PDE8B: variants seen among roughly 807,000 people sequenced by gnomAD.
PDE8B encodes phosphodiesterase 8B.
PDE8B carries 26 observed loss-of-function variants against 101.3 expected under a neutral mutation model. That is an observed-to-expected ratio of 0.26 (90% CI 0.19 to 0.36). The LOEUF (loss-of-function observed/expected upper bound fraction) is 0.36. PDE8B is among the 10% of genes least tolerant of loss of function. The probability of loss-of-function intolerance (pLI) is 1.00; values close to 1 mark genes in which losing one functional copy is unlikely to be tolerated. For missense variants in PDE8B, 810 were observed against 1,163.1 expected, an observed-to-expected ratio of 0.70 and a Z score of 4.42; for synonymous variants, 424 against 429.3, an observed-to-expected ratio of 0.99 and a Z score of 0.15.
intron 1 of PDE8B, among the ~76,000 whole-genome samples, chr5:77,217,472 T>C (rs535786891): frequency 3.3e-4 from 51 of 152,334 alleles, no homozygotes; most frequent in African/African-American, 1.2e-3. Flanking sequence ...GAATTTATTT[T>C]TAAAGATAGG....
chr5:77,224,519 C>T (rs1461654188), intron 1 of PDE8B, among the ~76,000 whole-genome samples: 1 of 152,182 alleles, frequency 6.6e-6, no homozygotes, highest in Non-Finnish European at 1.5e-5. Context: ...AAAACATCCT[C>T]TTATTTCAGC....
chr5:77,376,427 A>G (rs1263221568), intron 10 of PDE8B, among the ~76,000 whole-genome samples: 1 of 152,230 alleles, frequency 6.6e-6, no homozygotes, highest in African/African-American at 2.4e-5. Flanking sequence ...TGCCTAGCAC[A>G]TAGTATATGC....
chr5:77,242,711 G>T (rs982604122), intron 1 of PDE8B, among the ~76,000 whole-genome samples: 1 of 151,786 alleles, frequency 6.6e-6, no homozygotes, highest in African/African-American at 2.4e-5. Flanking sequence ...TCCCTCTGTC[G>T]CCCAGGCTGG....
chr5:77,109,524 A>T, the PDE8B span, among the ~76,000 whole-genome samples: 3 of 152,240 alleles, frequency 2.0e-5, no homozygotes, highest in Non-Finnish European at 2.9e-5. Flanking sequence ...GTTAAATTGC[A>T]GAGGGCAGAC....
intron 5 of PDE8B, among the ~76,000 whole-genome samples, chr5:77,333,489 G>C (rs1040984430): frequency 6.6e-6 from 1 of 152,156 alleles, no homozygotes; most frequent in African/African-American, 2.4e-5. Context: ...TGGAGTGTGA[G>C]GACATAGATT....
chr5:77,187,680 T>C, the PDE8B span, among the ~76,000 whole-genome samples: 1 of 152,202 alleles, frequency 6.6e-6, no homozygotes, highest in Non-Finnish European at 1.5e-5. Context: ...TCTCAAGCAG[T>C]CTACTTTCTC....
chr5:77,336,873 A>G (rs564700995), intron 5 of PDE8B, among the ~76,000 whole-genome samples: 1 of 152,346 alleles, frequency 6.6e-6, no homozygotes, highest in South Asian at 2.1e-4. Context: ...TGTGGTGCAC[A>G]CTGAACATGC....
intron 1 of PDE8B, among the ~76,000 whole-genome samples, chr5:77,224,973 TG>T (rs34156142): frequency 4.0e-5 from 6 of 151,864 alleles, no homozygotes; most frequent in African/African-American, 7.3e-5. Flanking sequence ...CTTTTTTTTT[TG>T]GGGAAGACTA....
the PDE8B span, among the ~76,000 whole-genome samples, chr5:77,142,575 T>C: frequency 2.0e-5 from 3 of 152,164 alleles, no homozygotes; most frequent in Non-Finnish European, 4.4e-5. Flanking sequence ...CAGTAATTTC[T>C]CAAGATAAAA....
intron 2 of PDE8B, among the ~76,000 whole-genome samples, chr5:77,313,305 A>G (rs1237638326): frequency 6.6e-6 from 1 of 152,218 alleles, no homozygotes; most frequent in East Asian, 1.9e-4. Context: ...GGAAAAAAAA[A>G]AAGGAAGAGA....
chr5:77,221,537 G>A (rs961863222), intron 1 of PDE8B, among the ~76,000 whole-genome samples: 10 of 152,178 alleles, frequency 6.6e-5, no homozygotes, highest in Non-Finnish European at 1.3e-4. Flanking sequence ...ATGTTTGGTT[G>A]TCTCTTTTCT....
chr5:77,153,565 C>G, the PDE8B span, among the ~76,000 whole-genome samples: 1 of 147,952 alleles, frequency 6.8e-6, no homozygotes, highest in African/African-American at 2.5e-5. Context: ...CTGACTCCAG[C>G]TTTACTCTTT....
chr5:77,391,647 C>T (rs148219044), intron 10 of PDE8B, among the ~76,000 whole-genome samples: 1 of 152,328 alleles, frequency 6.6e-6, no homozygotes, highest in East Asian at 1.9e-4. Context: ...ACCTGCTGGC[C>T]TTGGGCTTTA....
At chr5:77,116,952 T>C in the PDE8B span, among the ~76,000 whole-genome samples, 1 of 152,176 alleles carries the variant, frequency 6.6e-6, no homozygotes, top group Non-Finnish European at 1.5e-5. Context: ...TAAGTGCCCT[T>C]TCCCCCCAGG....
At chr5:77,209,928 G>A (rs1193432010), upstream of PDE8B, among the ~76,000 whole-genome samples, 1 of 152,202 alleles carries the variant, frequency 6.6e-6, no homozygotes, top group Non-Finnish European at 1.5e-5. Context: ...TCCAAACGAT[G>A]AGTAGACATG....
chr5:77,411,460 A>C (rs946832918), intron 14 of PDE8B, among the ~76,000 whole-genome samples: 3 of 152,186 alleles, frequency 2.0e-5, no homozygotes, highest in Admixed American at 2.0e-4. Flanking sequence ...CATCCACTCT[A>C]TCCCAGTTCT....
chr5:77,154,365 T>C, the PDE8B span, among the ~76,000 whole-genome samples: 74,093 of 152,230 alleles, frequency 0.49, 21,357 homozygotes, highest in East Asian at 0.88. Flanking sequence ...CATTCACTGC[T>C]TTATCCTCAT....
chr5:77,345,629 G>A (rs1780000360), intron 7 of PDE8B, among the ~76,000 whole-genome samples: 1 of 152,202 alleles, frequency 6.6e-6, no homozygotes, highest in African/African-American at 2.4e-5. Context: ...TTACATGAAT[G>A]TCATCCTCCT....
chr5:77,125,666 A>G, the PDE8B span, among the ~76,000 whole-genome samples: 1 of 152,246 alleles, frequency 6.6e-6, no homozygotes, highest in Admixed American at 6.5e-5. Flanking sequence ...CCTTTCAAGG[A>G]TGAACCTTGA....
Sources: allele counts gnomAD v4.1 joint callset (sites outside exome capture counted in the v4.1 genomes callset), GRCh38; gene constraint gnomAD v4.1.1; transcripts MANE v1.5; gene names NCBI Gene and HGNC (gene_info 2026-07-23, HGNC 2026-07-21).